Variants in KCTD8 observed in about 807,000 individuals in gnomAD.
The protein encoded by KCTD8 is potassium channel tetramerization domain containing 8, also known as BTB/POZ domain-containing protein KCTD8.
Under a neutral mutation model 31.5 loss-of-function variants are expected in KCTD8, and 27 were observed. The ratio of observed to expected loss-of-function variants is 0.86; its 90% confidence interval spans 0.63 to 1.18. The LOEUF (loss-of-function observed/expected upper bound fraction) is 1.18. KCTD8 is among the 50% of genes most tolerant of loss of function. The pLI, the probability that KCTD8 is intolerant of heterozygous loss-of-function variation, is 0.00. For missense variants in KCTD8, 658 were observed against 647.7 expected (o/e 1.02, Z -0.17); for synonymous variants, 290 against 280.0 (o/e 1.04, Z -0.36).
At chr4:44,439,767 T>C (rs1156585501) in intron 1 of KCTD8, among the ~76,000 whole-genome samples, 1 of 152,100 alleles carries the variant, frequency 6.6e-6, no homozygotes, top group African/African-American at 2.4e-5. Context: ...TCTTTGCATC[T>C]AAGATTTTTT....
At chr4:44,423,059 C>G (rs542431294) in intron 1 of KCTD8, among the ~76,000 whole-genome samples, 6 of 152,018 alleles carry the variant, frequency 3.9e-5, no homozygotes, top group African/African-American at 1.4e-4. Flanking sequence ...CAGTTTACCC[C>G]CCGGGGAACA....
chr4:44,174,685 G>T lies in KCTD8; in HGVS notation c.*105C>A. ...TCCCACATCCACTGTTCACAACAAGGAAGAGCAGCAAGAATCACACTGACC... is the reference window on the plus strand; with the variant it reads ...TCCCACATCCACTGTTCACAACAAGTAAGAGCAGCAAGAATCACACTGACC... On this transcript the variant is annotated 3_prime_UTR_variant, in exon 2 of 2. Coordinates refer to ENST00000360029, the MANE Select transcript of KCTD8 (RefSeq NM_198353.3). 1.2e-6 allele frequency: 1 copy of T among 835,550 alleles called. No homozygotes were observed. Among genetic ancestry groups the T allele is most frequent in the Non-Finnish European group, 1.9e-6 (1 of 528,184 alleles). 51.8% of individuals were successfully genotyped at this position (835,550 alleles called of 1,614,324 possible).
intron 1 of KCTD8, among the ~76,000 whole-genome samples, chr4:44,433,269 A>G (rs919602379): frequency 1.3e-5 from 2 of 151,748 alleles, no homozygotes; most frequent in Non-Finnish European, 3.0e-5. Flanking sequence ...TCCACATCCA[A>G]TAGATCACAA....
chr4:44,175,131 C>T lies in KCTD8; in HGVS notation c.1081G>A (p.Asp361Asn). ...GGAGTGCTTGCCTCTGAATGGCTGT[C>T]ACAACTGGAAGTGGAGAGCTCATTA... ...SCNELSTSSC[D>N]SHSEASTPQD... Residue 361 changes from aspartate to asparagine, a missense_variant, in exon 2 of 2, where the codon GAC becomes AAC. Asp to Asn is a conservative substitution (Grantham distance 23, BLOSUM62 1). Coordinates refer to ENST00000360029, the MANE Select transcript of KCTD8 (RefSeq NM_198353.3). 6.2e-7 allele frequency: 1 copy of T among 1,613,980 alleles called. No homozygotes were observed. Among genetic ancestry groups the T allele is most frequent in the South Asian group, 1.1e-5 (1 of 91,076 alleles).
intron 1 of KCTD8, among the ~76,000 whole-genome samples, chr4:44,309,756 T>G (rs1717899586): frequency 6.6e-6 from 1 of 152,098 alleles, no homozygotes; most frequent in Admixed American, 6.5e-5. Context: ...TTTTTGAGAA[T>G]TTTGGAAGAG....
chr4:44,288,999 A>C (rs528533767), intron 1 of KCTD8, among the ~76,000 whole-genome samples: 1 of 151,452 alleles, frequency 6.6e-6, no homozygotes, highest in East Asian at 1.9e-4. Flanking sequence ...TATATATATA[A>C]AAATTTAGTC....
At chr4:44,273,518 C>A (rs1168313528) in intron 1 of KCTD8, among the ~76,000 whole-genome samples, 1 of 151,856 alleles carries the variant, frequency 6.6e-6, no homozygotes, top group African/African-American at 2.4e-5. Flanking sequence ...GAAAATGTCT[C>A]TCATTCCAAT....
At chr4:44,251,850 C>A (rs1006322189) in intron 1 of KCTD8, among the ~76,000 whole-genome samples, 11 of 149,422 alleles carry the variant, frequency 7.4e-5, no homozygotes, top group African/African-American at 2.5e-4. Context: ...TTTTTCTGTT[C>A]CTGTGTTAAT....
intron 1 of KCTD8, among the ~76,000 whole-genome samples, chr4:44,296,106 A>G (rs1373983653): frequency 6.6e-6 from 1 of 152,154 alleles, no homozygotes; most frequent in African/African-American, 2.4e-5. Context: ...AAGATTTGTT[A>G]TTTAAGAAAT....
chr4:44,284,948 T>A (rs1293829866), intron 1 of KCTD8, among the ~76,000 whole-genome samples: 1 of 152,022 alleles, frequency 6.6e-6, no homozygotes, highest in Non-Finnish European at 1.5e-5. Flanking sequence ...GTTAGAATGG[T>A]GATCATTAAA....
At chr4:44,223,770 T>C (rs147937116) in intron 1 of KCTD8, among the ~76,000 whole-genome samples, 1 of 152,206 alleles carries the variant, frequency 6.6e-6, no homozygotes, top group Admixed American at 6.5e-5. Context: ...TACTGCTACA[T>C]GTAGAGCTGC....
At chr4:44,361,795 T>A (rs2109430644) in intron 1 of KCTD8, among the ~76,000 whole-genome samples, 1 of 152,192 alleles carries the variant, frequency 6.6e-6, no homozygotes, top group African/African-American at 2.4e-5. Flanking sequence ...CACCAAGTGG[T>A]TATAGAAAGC....
intron 1 of KCTD8, among the ~76,000 whole-genome samples, chr4:44,222,149 G>A (rs1714826194): frequency 6.6e-6 from 1 of 152,200 alleles, no homozygotes; most frequent in Admixed American, 6.5e-5. Flanking sequence ...CAGAGAAGCA[G>A]AATTGCTGTG....
chr4:44,179,250 C>T (rs1044412424), intron 1 of KCTD8, among the ~76,000 whole-genome samples: 1 of 151,498 alleles, frequency 6.6e-6, no homozygotes, highest in Non-Finnish European at 1.5e-5. Context: ...TTTCCAATGA[C>T]AAATAATATG....
At chr4:44,202,123 G>A (rs1714168501) in intron 1 of KCTD8, among the ~76,000 whole-genome samples, 1 of 151,854 alleles carries the variant, frequency 6.6e-6, no homozygotes, top group Non-Finnish European at 1.5e-5. Context: ...GGTGATTATT[G>A]AAAAGTTAAA....
chr4:44,294,275 C>T (rs12648478), intron 1 of KCTD8, among the ~76,000 whole-genome samples: 11,403 of 152,196 alleles, frequency 0.075, 562 homozygotes, highest in East Asian at 0.17. Context: ...GCCAGTCTGA[C>T]ACTTAGAAAC....
chr4:44,380,119 T>C (rs141267787), intron 1 of KCTD8, among the ~76,000 whole-genome samples: 83 of 152,096 alleles, frequency 5.5e-4, no homozygotes, highest in Middle Eastern at 3.4e-3. Flanking sequence ...TTATCTATAA[T>C]TGTGAGCCTC....
At chr4:44,411,426 A>G in intron 1 of KCTD8, among the ~76,000 whole-genome samples, 1 of 151,772 alleles carries the variant, frequency 6.6e-6, no homozygotes, top group South Asian at 2.1e-4. Flanking sequence ...AAAATGATGT[A>G]AAAGAGTTAT....
chr4:44,227,866 C>T (rs1401918455), intron 1 of KCTD8, among the ~76,000 whole-genome samples: 3 of 152,146 alleles, frequency 2.0e-5, no homozygotes, highest in Non-Finnish European at 4.4e-5. Flanking sequence ...CTACACCCTT[C>T]ATCCAAATCA....
Sources: gnomAD v4.1 joint callset for allele counts (sites outside exome capture counted in the v4.1 genomes callset) on GRCh38, gnomAD v4.1.1 for gene constraint, MANE v1.5 for transcripts, NCBI Gene and HGNC (gene_info 2026-07-23, HGNC 2026-07-21) for gene names.